UGT1A10: variants seen among roughly 807,000 people sequenced by gnomAD.
The protein encoded by UGT1A10 is UDP-glucuronosyltransferase 1A10.
UGT1A10 carries 49 observed loss-of-function variants against 45.8 expected under a neutral mutation model. The ratio of observed to expected loss-of-function variants is 1.07; its 90% CI spans 0.85 to 1.36. The LOEUF (loss-of-function observed/expected upper bound fraction) is 1.36, where lower values mean the gene tolerates loss of function less well. Among genes scored for constraint, UGT1A10 ranks in the 40% most tolerant of loss-of-function variants. The pLI, the probability that UGT1A10 is intolerant of heterozygous loss-of-function variation, is 0.00. For missense variants in UGT1A10, 745 were observed against 668.6 expected, an observed-to-expected ratio of 1.11 and a Z score of -1.26; for synonymous variants, 284 against 249.7, an observed-to-expected ratio of 1.14 and a Z score of -1.29.
chr2:233,667,095 T>G (rs899419692), intron 1 of UGT1A10, among the ~76,000 whole-genome samples: 45 of 152,314 alleles, frequency 3.0e-4, no homozygotes, highest in African/African-American at 1.1e-3. Context: ...TTGTGAATAG[T>G]GCTGCAATAA....
At position 233,648,883 on chromosome 2, in the gene UGT1A10, C is replaced by T; in HGVS notation, c.855+11506C>T. On this transcript the variant is annotated intron_variant, in intron 1 of 4. Coordinates refer to ENST00000344644, the MANE Select transcript of UGT1A10 (RefSeq NM_019075.4). ...CATAGCCTCTGAAATTCTCCAAACA[C>T]CTGTCATGGCATATGATCTCTACAG... 4 of 1,287,806 alleles carry T rather than the reference C, an allele frequency of 3.1e-6. 1 individual carries two copies. The South Asian group carries it at 4.7e-5, about 15-fold the overall frequency. The allele number at this position is 1,287,806 out of a possible 1,614,324, so 79.8% of individuals were successfully genotyped here. A position where few individuals can be genotyped will look rare whatever the true frequency, so the allele number is the denominator to read the frequency against.
chr2:233,654,609 C>A (rs1033145866), intron 1 of UGT1A10, among the ~76,000 whole-genome samples: 1 of 152,156 alleles, frequency 6.6e-6, no homozygotes, highest in African/African-American at 2.4e-5. Flanking sequence ...TAAACCACAG[C>A]CCTATAAAAT....
At chr2:233,640,572 A>G (rs1417015931) in intron 1 of UGT1A10, among the ~76,000 whole-genome samples, 1 of 152,162 alleles carries the variant, frequency 6.6e-6, no homozygotes, top group Non-Finnish European at 1.5e-5. Flanking sequence ...AAACCCATAC[A>G]TCCTTGGTCA....
At chr2:233,738,225 T>C (rs1690730877) in intron 1 of UGT1A10, among the ~76,000 whole-genome samples, 1 of 152,022 alleles carries the variant, frequency 6.6e-6, no homozygotes, top group South Asian at 2.1e-4. Context: ...ATAAGTTTCC[T>C]GAGGCCCCTC....
intron 1 of UGT1A10, among the ~76,000 whole-genome samples, chr2:233,721,302 G>T (rs541150498): frequency 6.6e-6 from 1 of 152,116 alleles, no homozygotes; most frequent in Non-Finnish European, 1.5e-5. Context: ...CATTTGAATA[G>T]TGATTGTGGC....
intron 1 of UGT1A10, among the ~76,000 whole-genome samples, chr2:233,679,692 CT>C (rs1440925229): frequency 6.6e-6 from 1 of 152,112 alleles, no homozygotes; most frequent in Non-Finnish European, 1.5e-5. Flanking sequence ...TTGGCAGAGG[CT>C]GGTTCTCCTG....
At chr2:233,731,985 C>T (rs770013724) in intron 1 of UGT1A10, among the ~76,000 whole-genome samples, 2 of 152,098 alleles carry the variant, frequency 1.3e-5, no homozygotes, top group Admixed American at 6.6e-5. Flanking sequence ...TTCTAACTGG[C>T]GTGAGATGGT....
intron 1 of UGT1A10, among the ~76,000 whole-genome samples, chr2:233,684,869 T>C (rs1424684348): frequency 6.6e-6 from 1 of 152,196 alleles, no homozygotes; most frequent in Non-Finnish European, 1.5e-5. Context: ...TCTTGTTTCA[T>C]ATGGGCAGGG....
chr2:233,772,618 A>C lies in UGT1A10; in HGVS notation c.*59A>C. 6.4e-7 allele frequency: 1 copy of C among 1,572,114 alleles called. No homozygotes were observed. The highest frequency in any genetic ancestry group is 2.4e-5 in the East Asian group (1 of 42,372). ...CATTCCCTAGTCATTTCCAAACTTG[A>C]AAACAGAATCAGTGTTAAATTCATT... On this transcript the variant is annotated 3_prime_UTR_variant, in exon 5 of 5. Coordinates refer to ENST00000344644, the MANE Select transcript of UGT1A10 (RefSeq NM_019075.4).
At chr2:233,744,177 C>G (rs1335639755) in intron 1 of UGT1A10, among the ~76,000 whole-genome samples, 1 of 151,854 alleles carries the variant, frequency 6.6e-6, no homozygotes, top group Admixed American at 6.5e-5. Context: ...CGGCCTCCAA[C>G]CAGCCATGGT....
intron 1 of UGT1A10, chr2:233,692,094 C>T (rs1233330203): frequency 1.3e-5 from 2 of 152,126 alleles, no homozygotes; most frequent in African/African-American, 4.8e-5. Context: ...TTGATTTGAT[C>T]ACCGATGGGC....
At chr2:233,649,669 A>T (rs1334613621) in intron 1 of UGT1A10, among the ~76,000 whole-genome samples, 2 of 152,212 alleles carry the variant, frequency 1.3e-5, no homozygotes, top group African/African-American at 2.4e-5. Flanking sequence ...TGGATGCAAC[A>T]TAGACACAAG....
chr2:233,643,250 T>C (rs1347596169), intron 1 of UGT1A10, among the ~76,000 whole-genome samples: 1 of 152,208 alleles, frequency 6.6e-6, no homozygotes, highest in African/African-American at 2.4e-5. Context: ...GCAGCTGAGC[T>C]GGCACTCAAA....
chr2:233,643,091 A>G (rs988538662), intron 1 of UGT1A10, among the ~76,000 whole-genome samples: 1 of 152,194 alleles, frequency 6.6e-6, no homozygotes, highest in Non-Finnish European at 1.5e-5. Flanking sequence ...TGGGCTTTAC[A>G]ATCAGCAGGT....
intron 1 of UGT1A10, among the ~76,000 whole-genome samples, chr2:233,715,240 A>T (rs2076440317): frequency 6.6e-6 from 1 of 152,092 alleles, no homozygotes; most frequent in African/African-American, 2.4e-5. Flanking sequence ...TCTGTGAAGG[A>T]TGTCTTTTAA....
chr2:233,679,037 GA>G (rs2074436775), intron 1 of UGT1A10, among the ~76,000 whole-genome samples: 1 of 152,168 alleles, frequency 6.6e-6, no homozygotes, highest in African/African-American at 2.4e-5. Flanking sequence ...GGACTTTCAT[GA>G]CATTCTCTAT....
At chr2:233,757,537 T>TAAATATACATATAC (rs1696591664) in intron 1 of UGT1A10, among the ~76,000 whole-genome samples, 2 of 107,778 alleles carry the variant, frequency 1.9e-5, no homozygotes, top group African/African-American at 9.3e-5. Context: ...CTGTAAGGAA[T>TAAATATACATATAC]ATATATATAT....
intron 1 of UGT1A10, chr2:233,747,303 G>T (rs1693616830): frequency 2.5e-6 from 4 of 1,602,128 alleles, no homozygotes; most frequent in Non-Finnish European, 2.6e-6. Context: ...AGAGTGGGAA[G>T]GTGCTGGTGG....
At chr2:233,682,150 T>C in intron 1 of UGT1A10, 1 of 1,614,172 alleles carries the variant, frequency 6.2e-7, no homozygotes, top group Non-Finnish European at 8.5e-7. Context: ...GATCACTGAA[T>C]TGCACAGTGA....
Sources: allele counts gnomAD v4.1 joint callset (sites outside exome capture counted in the v4.1 genomes callset), GRCh38; gene constraint gnomAD v4.1.1; transcripts MANE v1.5; gene names NCBI Gene and HGNC (gene_info 2026-07-23, HGNC 2026-07-21).